The following LINGO2 variants were observed in gnomAD, a reference collection of about 807,000 sequenced individuals.
The protein encoded by LINGO2 is leucine rich repeat and Ig domain containing 2.
A neutral mutation model predicts 30.6 loss-of-function variants in LINGO2; 14 were observed. The observed-to-expected ratio is 0.46, with a 90% CI of 0.30 to 0.72. The LOEUF (loss-of-function observed/expected upper bound fraction) is 0.72. LINGO2 is among the 30% of genes least tolerant of loss of function. The pLI is 0.07. For synonymous variants in LINGO2, 317 were observed against 288.5 expected, an observed-to-expected ratio of 1.10 and a Z score of -1.00; for missense variants, 729 against 751.7, an observed-to-expected ratio of 0.97 and a Z score of 0.35.
At chr9:28,762,507 T>C in the LINGO2 span, among the ~76,000 whole-genome samples, 3 of 152,018 alleles carry the variant, frequency 2.0e-5, no homozygotes, top group Non-Finnish European at 4.4e-5. Context: ...TCCCCCAAAC[T>C]AAAGTTGAGG....
At chr9:28,185,873 G>A (rs1819522884) in intron 4 of LINGO2, among the ~76,000 whole-genome samples, 1 of 152,056 alleles carries the variant, frequency 6.6e-6, no homozygotes, top group African/African-American at 2.4e-5. Flanking sequence ...ATGACTTACA[G>A]GAGTCATTTC....
At chr9:28,211,103 A>C (rs1383610594) in intron 4 of LINGO2, among the ~76,000 whole-genome samples, 1 of 151,566 alleles carries the variant, frequency 6.6e-6, no homozygotes, top group Non-Finnish European at 1.5e-5. Context: ...CTGTACCTGT[A>C]AGCCTTTAAA....
At position 28,187,633 on chromosome 9, in the gene LINGO2, G is replaced by A. The variant is rs150671934; in HGVS notation, c.-87+107575C>T. Among the ~76,000 whole-genome samples the A allele has an allele frequency of 2.8e-3, 428 of 152,216 alleles. 2 individuals carry two copies. Among genetic ancestry groups the A allele is most frequent in the African/African-American group, 9.3e-3 (385 of 41,538 alleles). ...CAGTAAAGAGGAGAGATTAATTTCC[G>A]ATATTTTAGGTTTGCAATGCTTATT... On this transcript the variant is annotated intron_variant, in intron 4 of 5. Transcript: ENST00000379992.
chr9:28,410,346 T>G (rs1264178455), intron 2 of LINGO2, among the ~76,000 whole-genome samples: 1 of 151,550 alleles, frequency 6.6e-6, no homozygotes, highest in African/African-American at 2.4e-5. Flanking sequence ...TTTATGTGGG[T>G]TTTCTGCTAA....
At chr9:28,024,724 T>TATC (rs1348036905) in intron 4 of LINGO2, among the ~76,000 whole-genome samples, 2 of 152,168 alleles carry the variant, frequency 1.3e-5, no homozygotes, top group African/African-American at 2.4e-5. Flanking sequence ...TCTTCATGGA[T>TATC]ATCCTCATTC....
chr9:28,195,464 T>C (rs1359138640), intron 4 of LINGO2, among the ~76,000 whole-genome samples: 1 of 151,028 alleles, frequency 6.6e-6, no homozygotes, highest in Non-Finnish European at 1.5e-5. Flanking sequence ...ACATGGGATA[T>C]GGAGAGGCAC....
chr9:28,503,490 G>A (rs1819977248), intron 1 of LINGO2, among the ~76,000 whole-genome samples: 2 of 151,874 alleles, frequency 1.3e-5, no homozygotes, highest in African/African-American at 4.8e-5. Flanking sequence ...AGCAATGCAT[G>A]TCTACATGAA....
At chr9:28,652,885 A>G (rs1225758262) in intron 1 of LINGO2, among the ~76,000 whole-genome samples, 1 of 152,020 alleles carries the variant, frequency 6.6e-6, no homozygotes, top group Non-Finnish European at 1.5e-5. Flanking sequence ...TCATAGTGAG[A>G]CACCAGATTT....
At chr9:28,053,137 G>A (rs1030027664) in intron 4 of LINGO2, among the ~76,000 whole-genome samples, 1 of 152,106 alleles carries the variant, frequency 6.6e-6, no homozygotes, top group Non-Finnish European at 1.5e-5. Context: ...TCATAGGAAG[G>A]CTCCAGAATT....
At chr9:28,185,631 T>C (rs771782423) in intron 4 of LINGO2, among the ~76,000 whole-genome samples, 8 of 152,146 alleles carry the variant, frequency 5.3e-5, no homozygotes, top group Non-Finnish European at 7.4e-5. Context: ...TGAAACACAA[T>C]TGTAGAAATA....
intron 3 of LINGO2, among the ~76,000 whole-genome samples, chr9:28,355,307 C>CTCTCTCTCTCTCTCTGTCTCTG (rs1820138082): frequency 4.2e-5 from 2 of 48,176 alleles, no homozygotes; most frequent in East Asian, 3.4e-4. Flanking sequence ...ATGTCTCTCT[C>CTCTCTCTCTCTCTCTGTCTCTG]TCTCTCTCTC....
At chr9:29,209,309 TGA>T in the LINGO2 span, among the ~76,000 whole-genome samples, 1 of 152,124 alleles carries the variant, frequency 6.6e-6, no homozygotes, top group Non-Finnish European at 1.5e-5. Context: ...GATAATAAAC[TGA>T]TGACTCGAAC....
chr9:29,006,639 T>C, the LINGO2 span, among the ~76,000 whole-genome samples: 2 of 152,100 alleles, frequency 1.3e-5, no homozygotes, highest in Non-Finnish European at 2.9e-5. Flanking sequence ...GTTTTCCTTT[T>C]TTCTTTTTCT....
chr9:28,136,367 C>T (rs951981329), intron 4 of LINGO2, among the ~76,000 whole-genome samples: 2 of 152,156 alleles, frequency 1.3e-5, no homozygotes, highest in Admixed American at 1.3e-4. Flanking sequence ...AGGACACTAT[C>T]CAGGTTCCCA....
intron 4 of LINGO2, among the ~76,000 whole-genome samples, chr9:28,242,520 G>C (rs1451339917): frequency 6.6e-6 from 1 of 152,068 alleles, no homozygotes; most frequent in East Asian, 1.9e-4. Flanking sequence ...AAAGAGACAG[G>C]GTGAATGGAT....
intron 1 of LINGO2, among the ~76,000 whole-genome samples, chr9:28,650,045 A>AC (rs1031496467): frequency 3.9e-5 from 6 of 151,988 alleles, no homozygotes; most frequent in African/African-American, 1.4e-4. Flanking sequence ...GGAAAAAAAA[A>AC]AACAACAACA....
In LINGO2 at chr9:28,277,837, CAAAAAAAA is replaced by C. The variant is rs765748438; in HGVS notation, c.-87+17363_-87+17370del. Among the ~76,000 whole-genome samples, 102 of 108,030 alleles carry C rather than the reference CAAAAAAAA, an allele frequency of 9.4e-4. 1 individual carries two copies. Among genetic ancestry groups the C allele is most frequent in the African/African-American group, 3.5e-3 (98 of 28,204 alleles). The allele number at this position is 108,030 out of a possible 152,430, so 70.9% of individuals were successfully genotyped here. A position where few individuals can be genotyped will look rare whatever the true frequency, so the allele number is the denominator to read the frequency against. On this transcript the variant is annotated intron_variant, in intron 4 of 5. Transcript: ENST00000379992. ...TCTCAAAAAACAAAACAAAACAAAA[CAAAAAAAA>C]AAAACAAAAAAAAAAACAACTAGAA...
chr9:28,175,225 G>A (rs1007169976), intron 4 of LINGO2, among the ~76,000 whole-genome samples: 1 of 152,042 alleles, frequency 6.6e-6, no homozygotes, highest in Non-Finnish European at 1.5e-5. Flanking sequence ...GCTCACCTGA[G>A]GCCACTGTGA....
chr9:28,697,904 A>T, the LINGO2 span, among the ~76,000 whole-genome samples: 1 of 152,112 alleles, frequency 6.6e-6, no homozygotes, highest in Non-Finnish European at 1.5e-5. Flanking sequence ...GATGAATTTT[A>T]TAACTTGGCT....
Sources: gnomAD v4.1 joint callset for allele counts (sites outside exome capture counted in the v4.1 genomes callset) on GRCh38, gnomAD v4.1.1 for gene constraint, MANE v1.5 for transcripts, NCBI Gene and HGNC (gene_info 2026-07-23, HGNC 2026-07-21) for gene names.